FHIT: variants seen among roughly 807,000 people sequenced by gnomAD.
FHIT encodes the protein fragile histidine triad diadenosine triphosphatase.
A neutral mutation model predicts 17.9 loss-of-function variants in FHIT; 19 were observed. That is an observed-to-expected ratio of 1.06 (90% CI 0.74 to 1.56). The LOEUF is 1.56. FHIT is among the 40% of genes most tolerant of loss of function. The pLI is 0.00. For synonymous variants in FHIT, 81 were observed against 69.7 expected (o/e 1.16, Z -0.81); for missense variants, 248 against 189.2 (o/e 1.31, Z -1.82).
At chr3:60,651,465 C>T (rs1423201460) in intron 4 of FHIT, among the ~76,000 whole-genome samples, 2 of 151,702 alleles carry the variant, frequency 1.3e-5, no homozygotes, top group Admixed American at 6.6e-5. Context: ...TGTGGCCATC[C>T]TTTGGCAGAT....
intron 2 of FHIT, among the ~76,000 whole-genome samples, chr3:61,074,102 T>A (rs1016146356): frequency 1.3e-5 from 2 of 152,164 alleles, no homozygotes; most frequent in Admixed American, 6.5e-5. Flanking sequence ...TAATTTTTTT[T>A]AAAGCATAAG....
At chr3:60,542,758 A>C (rs1328506206) in intron 4 of FHIT, among the ~76,000 whole-genome samples, 1 of 152,152 alleles carries the variant, frequency 6.6e-6, no homozygotes, top group African/African-American at 2.4e-5. Flanking sequence ...ATTTTGATGT[A>C]TTCCAAGTCC....
intron 5 of FHIT, among the ~76,000 whole-genome samples, chr3:60,373,415 T>C (rs762345746): frequency 1.3e-5 from 2 of 152,146 alleles, no homozygotes; most frequent in Admixed American, 6.6e-5. Flanking sequence ...CAGGTCAGTG[T>C]GGTTGCAGTA....
intron 5 of FHIT, among the ~76,000 whole-genome samples, chr3:60,190,563 A>T (rs1001651094): frequency 2.0e-5 from 3 of 152,050 alleles, no homozygotes; most frequent in Admixed American, 6.5e-5. Context: ...AGCCTGGCCA[A>T]CATGGTGAAA....
intron 5 of FHIT, among the ~76,000 whole-genome samples, chr3:60,158,375 A>C (rs1286128231): frequency 2.0e-5 from 3 of 151,676 alleles, no homozygotes; most frequent in Non-Finnish European, 4.4e-5. Context: ...GCAATGGCGC[A>C]ATCTCTGTGC....
intron 3 of FHIT, among the ~76,000 whole-genome samples, chr3:61,034,350 T>C (rs1424577648): frequency 6.6e-6 from 1 of 151,732 alleles, no homozygotes; most frequent in Non-Finnish European, 1.5e-5. Flanking sequence ...GAGAACATAT[T>C]TGTAAATCAT....
At chr3:60,027,097 T>C (rs1700770046) in intron 5 of FHIT, among the ~76,000 whole-genome samples, 1 of 138,962 alleles carries the variant, frequency 7.2e-6, no homozygotes, top group African/African-American at 2.8e-5. Flanking sequence ...AGTAAGACTG[T>C]TTCACACACA....
At chr3:60,509,790 A>T (rs1196328259) in intron 5 of FHIT, among the ~76,000 whole-genome samples, 41 of 152,212 alleles carry the variant, frequency 2.7e-4, no homozygotes, top group Admixed American at 2.6e-3. Context: ...AGAGAAAACT[A>T]CCCAATAAGT....
chr3:60,806,830 T>G (rs1553734405), intron 4 of FHIT, among the ~76,000 whole-genome samples: 1 of 152,234 alleles, frequency 6.6e-6, no homozygotes, highest in Non-Finnish European at 1.5e-5. Flanking sequence ...ATAGAAGGAT[T>G]AAGCATCAGA....
At chr3:59,872,810 C>T (rs1702981971) in intron 8 of FHIT, among the ~76,000 whole-genome samples, 1 of 152,172 alleles carries the variant, frequency 6.6e-6, no homozygotes, top group African/African-American at 2.4e-5. Context: ...TCCCACTAAC[C>T]TGTCTTCCCT....
intron 5 of FHIT, among the ~76,000 whole-genome samples, chr3:60,306,773 ATG>A (rs915803381): frequency 6.6e-6 from 1 of 152,190 alleles, no homozygotes; most frequent in Admixed American, 6.5e-5. Flanking sequence ...ATTTAAGGGA[ATG>A]TGTAGAAGGA....
chr3:61,034,797 A>T (rs532112894), intron 3 of FHIT, among the ~76,000 whole-genome samples: 1 of 152,310 alleles, frequency 6.6e-6, no homozygotes, highest in South Asian at 2.1e-4. Context: ...ATCCAAAAGG[A>T]TTGAAAACAG....
chr3:60,000,431 T>A (rs1029721430), intron 7 of FHIT, among the ~76,000 whole-genome samples: 27 of 152,328 alleles, frequency 1.8e-4, no homozygotes, highest in African/African-American at 6.3e-4. Context: ...GTCAGATACA[T>A]AATTATGACA....
At chr3:60,348,888 A>C (rs1234204976) in intron 5 of FHIT, among the ~76,000 whole-genome samples, 1 of 152,222 alleles carries the variant, frequency 6.6e-6, no homozygotes, top group Non-Finnish European at 1.5e-5. Context: ...GAGCGGAGCT[A>C]AGTCATTCAG....
Position 61,172,149 on chromosome 3 carries a change from C to T in FHIT, c.-164+28468G>A, listed in dbSNP as rs183006753. ...ATTGTGAATACATAGAATTTTATCACTGGAAGACAGAAAACAATCTCAATT... is the reference window on the plus strand; with the variant it reads ...ATTGTGAATACATAGAATTTTATCATTGGAAGACAGAAAACAATCTCAATT... On this transcript the variant is annotated intron_variant, in intron 2 of 9. Coordinates refer to ENST00000492590, the MANE Select transcript of FHIT (RefSeq NM_002012.4). Among the ~76,000 whole-genome samples, 5 of 152,174 alleles carry T rather than the reference C, an allele frequency of 3.3e-5. No homozygotes were observed. The East Asian group carries it at 5.8e-4, about 18-fold the overall frequency.
At chr3:60,077,695 CACACACACACA>C (rs1703080719) in intron 5 of FHIT, among the ~76,000 whole-genome samples, 2 of 98,766 alleles carry the variant, frequency 2.0e-5, no homozygotes, top group African/African-American at 9.9e-5. Context: ...TTCACACACA[CACACACACACA>C]CACACACACA....
chr3:60,475,515 G>A lies in FHIT; in HGVS notation c.103+61345C>T, dbSNP rs191660133. On this transcript the variant is annotated intron_variant, in intron 5 of 9. Coordinates refer to ENST00000492590, the MANE Select transcript of FHIT (RefSeq NM_002012.4). ...TGATGAATTGGAGGTGCACTTGTGC[G>A]CTTAAAACTGCAGCAGCTGATGTAG... Among the ~76,000 whole-genome samples the A allele has an allele frequency of 1.2e-4, 19 of 152,268 alleles. No homozygotes were observed. The East Asian group carries it at 1.5e-3, about 12-fold the overall frequency.
rs112858647 is a variant in FHIT, at chr3:60,224,280, C to T, written c.104-210128G>A. Among the ~76,000 whole-genome samples, 6 of 152,264 alleles carry T rather than the reference C, an allele frequency of 3.9e-5. 1 individual carries two copies. The highest frequency in any genetic ancestry group is 1.4e-4 in the African/African-American group (6 of 41,558). ...GTCCGTACTCTAAAGACCCACTACC[C>T]ACTATCCCTCTTGTGAAAACTGTCC... On this transcript the variant is annotated intron_variant, in intron 5 of 9. Transcript: ENST00000492590.
chr3:61,077,844 A>G (rs888292334), intron 2 of FHIT, among the ~76,000 whole-genome samples: 2 of 152,188 alleles, frequency 1.3e-5, no homozygotes, highest in African/African-American at 4.8e-5. Context: ...ACAGCCCGGC[A>G]CATAGCAACT....
Sources: gnomAD v4.1 joint callset for allele counts (sites outside exome capture counted in the v4.1 genomes callset) on GRCh38, gnomAD v4.1.1 for gene constraint, MANE v1.5 for transcripts, NCBI Gene and HGNC (gene_info 2026-07-23, HGNC 2026-07-21) for gene names.